Variants in C1orf141 observed in about 807,000 individuals in gnomAD.
C1orf141 encodes the protein chromosome 1 open reading frame 141, also known as uncharacterized protein C1orf141.
A neutral mutation model predicts 23.2 loss-of-function variants in C1orf141; 19 were observed. The observed-to-expected ratio is 0.82, with a 90% CI of 0.57 to 1.20. The LOEUF (loss-of-function observed/expected upper bound fraction) is 1.20. Among genes scored for constraint, C1orf141 ranks in the 50% most tolerant of loss-of-function variants. The probability of loss-of-function intolerance (pLI) is 0.00; values close to 1 mark genes in which losing one functional copy is unlikely to be tolerated. For missense variants in C1orf141, 469 were observed against 455.1 expected (o/e 1.03, Z -0.28); for synonymous variants, 153 against 154.6 (o/e 0.99, Z 0.08).
intron 2 of C1orf141, among the ~76,000 whole-genome samples, chr1:67,129,265 G>A (rs1260792096): frequency 3.3e-5 from 5 of 151,792 alleles, no homozygotes; most frequent in African/African-American, 9.7e-5. Context: ...AGACCACTCT[G>A]GGCAACATAG....
upstream of C1orf141, among the ~76,000 whole-genome samples, chr1:67,135,966 A>G (rs1044366830): frequency 6.6e-6 from 1 of 150,732 alleles, no homozygotes; most frequent in Non-Finnish European, 1.5e-5. Context: ...CTAGAAATTG[A>G]TATTAATAGT....
rs150384607 is a variant in C1orf141 at position 67,126,452 on chromosome 1, T to G, written c.76-543A>C. Among the ~76,000 whole-genome samples the G allele has an allele frequency of 2.7e-4, 41 of 152,314 alleles. 1 individual carries two copies. In the East Asian group the frequency reaches 7.7e-3, roughly 29 times the overall value. ...GAGCCGAAAGTTTTCTCTAAAAAAT[T>G]ATCTCAGAGCATAGCTCAAAAGAAT... On this transcript the variant is annotated intron_variant, in intron 3 of 7. Coordinates refer to ENST00000684719, the MANE Select transcript of C1orf141 (RefSeq NM_001276351.2).
At chr1:67,115,501 G>T in intron 4 of C1orf141, 37 bp from the exon 5 acceptor site, 1 of 810,922 alleles carries the variant, frequency 1.2e-6, no homozygotes, top group South Asian at 1.8e-5. Context: ...TTAAAATAAT[G>T]AGAAAAATTA....
At chr1:67,127,422 T>C (rs970768980) in intron 2 of C1orf141, among the ~76,000 whole-genome samples, 165 bp from the exon 3 acceptor site, 1 of 152,172 alleles carries the variant, frequency 6.6e-6, no homozygotes, top group Non-Finnish European at 1.5e-5. Context: ...CCAAGTTTTT[T>C]CAATTGAAGG....
chr1:67,110,924 T>TTA (rs967354445), intron 5 of C1orf141, among the ~76,000 whole-genome samples: 5 of 148,380 alleles, frequency 3.4e-5, no homozygotes, highest in South Asian at 2.1e-4. Flanking sequence ...TATATATATA[T>TTA]TATATATATA....
At chr1:67,108,505 A>G (rs1282253236) in intron 5 of C1orf141, among the ~76,000 whole-genome samples, 1 of 152,156 alleles carries the variant, frequency 6.6e-6, no homozygotes, top group Non-Finnish European at 1.5e-5. Context: ...GATAAAAATC[A>G]GCAATCACCT....
chr1:67,117,887 A>G (rs757450042), intron 4 of C1orf141, among the ~76,000 whole-genome samples: 1 of 152,236 alleles, frequency 6.6e-6, no homozygotes, highest in Non-Finnish European at 1.5e-5. Flanking sequence ...TCTTGACTCT[A>G]TGTGAACTTC....
intron 5 of C1orf141, among the ~76,000 whole-genome samples, chr1:67,097,277 A>G (rs1645703345): frequency 6.6e-6 from 1 of 152,222 alleles, no homozygotes; most frequent in Non-Finnish European, 1.5e-5. Flanking sequence ...TGTATAATAT[A>G]ATTTCGAATA....
intron 4 of C1orf141, among the ~76,000 whole-genome samples, chr1:67,117,452 A>G (rs1646217154): frequency 6.6e-6 from 1 of 152,168 alleles, no homozygotes; most frequent in Non-Finnish European, 1.5e-5. Flanking sequence ...TGAATGCATA[A>G]GATTTTTGGT....
At chr1:67,117,633 A>G (rs916163273) in intron 4 of C1orf141, among the ~76,000 whole-genome samples, 3 of 152,180 alleles carry the variant, frequency 2.0e-5, no homozygotes, top group Non-Finnish European at 4.4e-5. Flanking sequence ...AGAGTGTAGT[A>G]TACTAGTGAG....
intron 1 of C1orf141, among the ~76,000 whole-genome samples, chr1:67,133,615 T>C (rs1329543511): frequency 6.6e-6 from 1 of 152,188 alleles, no homozygotes; most frequent in African/African-American, 2.4e-5. Context: ...TGTGATTGTA[T>C]TTGGACATAC....
At chr1:67,132,201 G>A (rs972680025) in intron 1 of C1orf141, among the ~76,000 whole-genome samples, 7 of 152,126 alleles carry the variant, frequency 4.6e-5, no homozygotes, top group Non-Finnish European at 8.8e-5. Flanking sequence ...TGGGATTACA[G>A]GCAAGAGCCA....
intron 2 of C1orf141, among the ~76,000 whole-genome samples, 179 bp downstream of exon 2, chr1:67,130,963 A>G (rs1317428522): frequency 6.6e-6 from 1 of 152,356 alleles, no homozygotes; most frequent in East Asian, 1.9e-4. Context: ...TTTCATCATT[A>G]TATTTCATAA....
At chr1:67,115,540 G>A in intron 4 of C1orf141, 76 bp from the exon 5 acceptor site, 1 of 616,714 alleles carries the variant, frequency 1.6e-6, no homozygotes, top group Non-Finnish European at 2.8e-6. Flanking sequence ...TAAATTTGGA[G>A]GAATGTGAAG....
At chr1:67,096,367 C>T (rs1321865634) in intron 5 of C1orf141, 46 bp from the exon 6 acceptor site, 2 of 944,144 alleles carry the variant, frequency 2.1e-6, no homozygotes, top group Non-Finnish European at 1.6e-6. Context: ...GATATTCTGA[C>T]ATTTAGGAAA....
At chr1:67,124,675 C>T (rs1208538417) in intron 4 of C1orf141, among the ~76,000 whole-genome samples, 1 of 152,066 alleles carries the variant, frequency 6.6e-6, no homozygotes, top group Non-Finnish European at 1.5e-5. Context: ...TAGCTGCTGC[C>T]TGTCTAAACT....
chr1:67,141,509 G>C (rs1646637387), intron 1 of C1orf141, among the ~76,000 whole-genome samples: 1 of 152,098 alleles, frequency 6.6e-6, no homozygotes. Flanking sequence ...TATAATCCCA[G>C]CACTTTGGTA....
chr1:67,115,326 A>C (rs202081998), intron 5 of C1orf141, 26 bp downstream of exon 5: 1 of 829,264 alleles, frequency 1.2e-6, no homozygotes, highest in Non-Finnish European at 2.0e-6. Flanking sequence ...AAATCAAAGA[A>C]GTAAATATGT....
At chr1:67,130,222 T>C (rs909253415) in intron 2 of C1orf141, among the ~76,000 whole-genome samples, 31 of 152,184 alleles carry the variant, frequency 2.0e-4, no homozygotes, top group African/African-American at 7.5e-4. Context: ...TAATATGAGT[T>C]CAAGAGGGGG....
Sources: gnomAD v4.1 joint callset for allele counts (sites outside exome capture counted in the v4.1 genomes callset) on GRCh38, gnomAD v4.1.1 for gene constraint, MANE v1.5 for transcripts, NCBI Gene and HGNC (gene_info 2026-07-23, HGNC 2026-07-21) for gene names.